R3HDM2: variants seen among roughly 807,000 people sequenced by gnomAD.
R3HDM2 encodes R3H domain-containing protein 2.
A neutral mutation model predicts 124.5 loss-of-function variants in R3HDM2; 38 were observed. The ratio of observed to expected loss-of-function variants is 0.31; its 90% CI spans 0.24 to 0.40. R3HDM2 has a LOEUF of 0.40. Ranked by LOEUF, R3HDM2 falls within the 10% of genes least tolerant of loss-of-function variation. The pLI, the probability that R3HDM2 is intolerant of heterozygous loss-of-function variation, is 1.00. For synonymous variants in R3HDM2, 391 were observed against 448.0 expected, an observed-to-expected ratio of 0.87 and a Z score of 1.61; for missense variants, 869 against 1,236.9, an observed-to-expected ratio of 0.70 and a Z score of 4.46.
At position 57,402,687 on chromosome 12, in the gene R3HDM2, T is replaced by C. The variant is rs1230132178; in HGVS notation, c.-105-6869A>G. Among the ~76,000 whole-genome samples the C allele has an allele frequency of 2.0e-5, 3 of 150,784 alleles. No individual in the cohort carries two copies. The East Asian group carries it at 6.0e-4, about 30-fold the overall frequency. ...CGGGAGGCTGAGGCGGGAGAATCAC[T>C]TCAACCCGGGAGGCAGAGGCTGCAG... On this transcript the variant is annotated intron_variant, in intron 1 of 23. Coordinates refer to ENST00000402412, the MANE Select transcript of R3HDM2 (RefSeq NM_001394031.1).
rs138820116 is a variant in R3HDM2, at chr12:57,262,308, G to A, written c.2132-3249C>T. ...AATATGTGAGAGGCTATTTCTGTAT[G>A]CATTTCACTCTGTCCATGCTGCTGT... On this transcript the variant is annotated intron_variant, in intron 19 of 23. Coordinates refer to ENST00000402412, the MANE Select transcript of R3HDM2 (RefSeq NM_001394031.1). 8.3e-4 allele frequency among the ~76,000 whole-genome samples: 126 copies of A among 152,266 alleles called. 2 individuals carry two copies. In the Middle Eastern group the frequency reaches 0.014, roughly 16 times the overall value.
chr12:57,299,246 G>T, intron 6 of R3HDM2, 106 bp downstream of exon 6: 2 of 1,295,456 alleles, frequency 1.5e-6, no homozygotes, highest in Non-Finnish European at 1.1e-6. Context: ...CAAGTTAGCA[G>T]AACACTACAA....
intron 23 of R3HDM2, 23 bp downstream of exon 23, chr12:57,255,967 G>A (rs768881074): frequency 8.1e-6 from 13 of 1,601,658 alleles, no homozygotes; most frequent in Non-Finnish European, 1.1e-5. Context: ...CTTCTCTTGG[G>A]GATTCAGCAT....
intron 1 of R3HDM2, chr12:57,418,195 A>T: frequency 3.0e-6 from 3 of 985,408 alleles, no homozygotes; most frequent in Non-Finnish European, 3.6e-6. Context: ...CCTGAGCGTC[A>T]TCCATCCACA....
Position 57,268,421 on chromosome 12 carries a change from G to T in R3HDM2, c.1912C>A (p.Pro638Thr). The T allele has an allele frequency of 6.2e-7, 1 of 1,614,110 alleles. No homozygotes were observed. Among genetic ancestry groups the T allele is most frequent in the Non-Finnish European group, 8.5e-7 (1 of 1,180,010 alleles). Reference protein sequence around the residue: ...VGSDSQNVVQPPFQQPMLVPV... With the variant: ...VGSDSQNVVQTPFQQPMLVPV... ...ACCAGCATGGGTTGCTGGAAAGGCG[G>T]CTGGACCACATTTTGCGAGTCACTA... Residue 638 changes from proline to threonine, a missense_variant, in exon 18 of 24, where the codon CCG (proline) becomes ACG (threonine). Transcript: ENST00000402412.
chr12:57,277,428 C>T (rs916037671), intron 14 of R3HDM2, among the ~76,000 whole-genome samples: 1 of 151,918 alleles, frequency 6.6e-6, no homozygotes. Flanking sequence ...AAGGTAACAA[C>T]CCTTCCTCAA....
intron 2 of R3HDM2, among the ~76,000 whole-genome samples, chr12:57,392,004 A>C (rs1287572592): frequency 1.3e-5 from 2 of 152,060 alleles, no homozygotes; most frequent in Non-Finnish European, 2.9e-5. Context: ...TCTACTAAAA[A>C]TACAAAAAAT....
At chr12:57,333,001 C>T (rs2058395609) in intron 2 of R3HDM2, among the ~76,000 whole-genome samples, 1 of 152,184 alleles carries the variant, frequency 6.6e-6, no homozygotes, top group South Asian at 2.1e-4. Flanking sequence ...TCAAGTATCC[C>T]TTGACATAAA....
Position 57,292,674 on chromosome 12 carries a change from C to G in R3HDM2, c.811-7G>C, listed in dbSNP as rs1049899156. 6.5e-7 allele frequency: 1 copy of G among 1,537,826 alleles called. No homozygotes were observed. Among genetic ancestry groups the G allele is most frequent in the African/African-American group, 1.4e-5 (1 of 72,702 alleles). ...CCTGCAATGGAACTCTGATCTAGAT[C>G]GATGAGCAGAATTAAGCTAGTTAAG... On this transcript the variant is annotated splice_polypyrimidine_tract_variant and splice_region_variant and intron_variant, in intron 10 of 23. Transcript: ENST00000402412.
chr12:57,373,491 T>G (rs540296457), intron 2 of R3HDM2, among the ~76,000 whole-genome samples: 2 of 149,472 alleles, frequency 1.3e-5, no homozygotes, highest in African/African-American at 4.9e-5. Flanking sequence ...AGAGCAAGAC[T>G]CCGTCTCACA....
intron 3 of R3HDM2, among the ~76,000 whole-genome samples, chr12:57,308,363 A>G (rs2053194683): frequency 6.6e-6 from 1 of 151,552 alleles, no homozygotes; most frequent in East Asian, 2.0e-4. Context: ...GCCTGAAGAC[A>G]TTTTTAAACT....
chr12:57,368,823 C>A (rs1288469107), intron 2 of R3HDM2, among the ~76,000 whole-genome samples: 1 of 152,062 alleles, frequency 6.6e-6, no homozygotes, highest in African/African-American at 2.4e-5. Context: ...TTCTGTGAGT[C>A]GTTCTAGTAA....
chr12:57,398,109 G>A (rs2067733777), intron 1 of R3HDM2, among the ~76,000 whole-genome samples: 1 of 151,642 alleles, frequency 6.6e-6, no homozygotes, highest in Non-Finnish European at 1.5e-5. Context: ...TGAAACTGGT[G>A]GTGGGGGTGG....
intron 1 of R3HDM2, among the ~76,000 whole-genome samples, chr12:57,426,708 T>G (rs894055331): frequency 2.0e-5 from 3 of 152,176 alleles, no homozygotes; most frequent in African/African-American, 7.2e-5. Flanking sequence ...CTCCATCCTC[T>G]TCTCTGCCCT....
chr12:57,408,140 A>T (rs1594554565), intron 1 of R3HDM2, among the ~76,000 whole-genome samples: 1 of 152,182 alleles, frequency 6.6e-6, no homozygotes, highest in East Asian at 1.9e-4. Context: ...CATGTTGGTC[A>T]GGCTGATCTC....
chr12:57,278,391 G>A (rs553425083), intron 14 of R3HDM2, among the ~76,000 whole-genome samples: 14 of 152,154 alleles, frequency 9.2e-5, no homozygotes, highest in South Asian at 8.3e-4. Flanking sequence ...CACTCTTGCC[G>A]TCTCGTCTGT....
At chr12:57,425,417 T>C (rs2070644332) in intron 1 of R3HDM2, among the ~76,000 whole-genome samples, 1 of 152,224 alleles carries the variant, frequency 6.6e-6, no homozygotes, top group Non-Finnish European at 1.5e-5. Flanking sequence ...CATTAACTGT[T>C]CTCTCCTAGG....
chr12:57,302,213 A>G (rs1317267573), intron 4 of R3HDM2, among the ~76,000 whole-genome samples: 3 of 151,038 alleles, frequency 2.0e-5, no homozygotes, highest in Admixed American at 1.3e-4. Context: ...CACGGAAGGC[A>G]GAGGTTGCAG....
At chr12:57,374,802 G>C (rs1251531103) in intron 2 of R3HDM2, among the ~76,000 whole-genome samples, 1 of 150,468 alleles carries the variant, frequency 6.6e-6, no homozygotes, top group Non-Finnish European at 1.5e-5. Flanking sequence ...GATCATCCTG[G>C]CTAACACGGT....
Sources: gnomAD v4.1 joint callset for allele counts (sites outside exome capture counted in the v4.1 genomes callset) on GRCh38, gnomAD v4.1.1 for gene constraint, MANE v1.5 for transcripts, NCBI Gene and HGNC (gene_info 2026-07-23, HGNC 2026-07-21) for gene names.